The following MAP2K1 variants were observed in gnomAD, a reference collection of about 807,000 sequenced individuals.
MAP2K1 encodes mitogen-activated protein kinase kinase 1.
MAP2K1 carries 16 observed loss-of-function variants against 46.3 expected under a neutral mutation model. The observed-to-expected ratio is 0.35, with a 90% CI of 0.23 to 0.52. The LOEUF is 0.52. MAP2K1 is among the 20% of genes least tolerant of loss of function. The pLI is 0.94. For missense variants in MAP2K1, 263 were observed against 497.1 expected, an observed-to-expected ratio of 0.53 and a Z score of 4.48; for synonymous variants, 183 against 185.6, an observed-to-expected ratio of 0.99 and a Z score of 0.11.
intron 1 of MAP2K1, among the ~76,000 whole-genome samples, chr15:66,417,098 A>G (rs541451619): frequency 6.6e-6 from 1 of 152,290 alleles, no homozygotes; most frequent in East Asian, 1.9e-4. Context: ...TTGTTAGCCC[A>G]AAGACTTATT....
Position 66,485,144 on chromosome 15 carries a change from C to T in MAP2K1, c.848C>T (p.Ala283Val), listed in dbSNP as rs144080051. 4.3e-5 allele frequency: 69 copies of T among 1,613,880 alleles called. No homozygotes were observed. In the African/African-American group the frequency reaches 8.3e-4, roughly 19 times the overall value. ...LMFGCQVEGDAAETPPRPRTP... is the reference protein window; with the variant it reads ...LMFGCQVEGDVAETPPRPRTP... ...TTTGGGTGCCAGGTGGAAGGAGATGCGGCTGAGACCCCACCCAGGCCAAGG... is the reference window on the plus strand; with the variant it reads ...TTTGGGTGCCAGGTGGAAGGAGATGTGGCTGAGACCCCACCCAGGCCAAGG... The change falls in exon 7 of 11, where the codon GCG (alanine) becomes GTG (valine). Residue 283 changes from alanine to valine, a missense_variant. Transcript: ENST00000307102.
chr15:66,489,655 C>A, intron 9 of MAP2K1, 63 bp from the exon 10 acceptor site: 1 of 1,251,726 alleles, frequency 8.0e-7, no homozygotes, highest in Non-Finnish European at 1.2e-6. Flanking sequence ...GGCATGCAAA[C>A]ATGTTATTTG....
chr15:66,398,694 T>A (rs2093374029), intron 1 of MAP2K1, among the ~76,000 whole-genome samples: 7 of 147,940 alleles, frequency 4.7e-5, no homozygotes, highest in Admixed American at 4.7e-4. Flanking sequence ...GAATCCCAAT[T>A]GTGTACCGGA....
chr15:66,419,980 C>G (rs1407717999), intron 1 of MAP2K1, among the ~76,000 whole-genome samples: 1 of 143,264 alleles, frequency 7.0e-6, no homozygotes, highest in Non-Finnish European at 1.6e-5. Flanking sequence ...TGTGGTGGCT[C>G]ACACCTGTAG....
rs1893253853 is a variant in MAP2K1 at position 66,491,417 on chromosome 15, T to C, written c.*802T>C. On this transcript the variant is annotated 3_prime_UTR_variant, in exon 11 of 11. Coordinates refer to ENST00000307102, the MANE Select transcript of MAP2K1 (RefSeq NM_002755.4). ...CCATATCCAAGTACCAATGCTGTTGTAAACAACGTGTATAGTGCCTAAAAT... is the reference window on the plus strand; with the variant it reads ...CCATATCCAAGTACCAATGCTGTTGCAAACAACGTGTATAGTGCCTAAAAT... The C allele has an allele frequency of 4.3e-6, 1 of 229,910 alleles. No individual in the cohort carries two copies. The highest frequency in any genetic ancestry group is 8.6e-6 in the Non-Finnish European group (1 of 115,924). 14.2% of individuals were successfully genotyped at this position (229,910 alleles called of 1,614,324 possible). A position where few individuals can be genotyped will look rare whatever the true frequency, so the allele number is the denominator to read the frequency against.
At chr15:66,477,269 C>T (rs1892775036) in intron 5 of MAP2K1, among the ~76,000 whole-genome samples, 1 of 152,184 alleles carries the variant, frequency 6.6e-6, no homozygotes, top group Non-Finnish European at 1.5e-5. Context: ...GATACAAGGA[C>T]AGCTAGAGGC....
intron 1 of MAP2K1, among the ~76,000 whole-genome samples, chr15:66,397,704 A>G (rs952970349): frequency 6.6e-6 from 1 of 152,238 alleles, no homozygotes; most frequent in Non-Finnish European, 1.5e-5. Context: ...CTTCCTGTTT[A>G]TAGCAAATAC....
chr15:66,397,106 G>T (rs1305009782), intron 1 of MAP2K1, among the ~76,000 whole-genome samples: 1 of 138,536 alleles, frequency 7.2e-6, no homozygotes, highest in East Asian at 2.3e-4. Flanking sequence ...CTGGGTTCAC[G>T]CCATTCTCCT....
chr15:66,442,889 A>G (rs1174877683), intron 3 of MAP2K1, among the ~76,000 whole-genome samples: 1 of 152,146 alleles, frequency 6.6e-6, no homozygotes, highest in Non-Finnish European at 1.5e-5. Flanking sequence ...ACTCAGGGAA[A>G]CACTTAATTT....
intron 6 of MAP2K1, among the ~76,000 whole-genome samples, chr15:66,482,638 G>A (rs1254368018): frequency 6.6e-6 from 1 of 152,184 alleles, no homozygotes; most frequent in Non-Finnish European, 1.5e-5. Context: ...CGGTTCCTTG[G>A]GGACAGGGAC....
intron 1 of MAP2K1, among the ~76,000 whole-genome samples, chr15:66,395,341 G>C (rs980204690): frequency 6.6e-6 from 1 of 152,140 alleles, no homozygotes; most frequent in African/African-American, 2.4e-5. Flanking sequence ...AACTGGAATT[G>C]TCAAAGCAAA....
chr15:66,392,253 G>GTT (rs2093357705), intron 1 of MAP2K1, among the ~76,000 whole-genome samples: 2 of 108,948 alleles, frequency 1.8e-5, no homozygotes, highest in Admixed American at 2.5e-4. Context: ...TGTTTTTTTT[G>GTT]GGTTTTTTTT....
intron 1 of MAP2K1, among the ~76,000 whole-genome samples, chr15:66,395,094 C>T (rs1201209096): frequency 6.6e-6 from 1 of 152,168 alleles, no homozygotes; most frequent in Non-Finnish European, 1.5e-5. Flanking sequence ...CAGTAGTCCT[C>T]CCTTATCTGA....
At chr15:66,405,305 T>G (rs1410665047) in intron 1 of MAP2K1, among the ~76,000 whole-genome samples, 1 of 152,186 alleles carries the variant, frequency 6.6e-6, no homozygotes, top group Non-Finnish European at 1.5e-5. Context: ...CCAAAACTGC[T>G]AAATTTAAAT....
chr15:66,397,600 A>G (rs2093371289), intron 1 of MAP2K1, among the ~76,000 whole-genome samples: 1 of 152,176 alleles, frequency 6.6e-6, no homozygotes, highest in African/African-American at 2.4e-5. Flanking sequence ...GCAAATTGTA[A>G]ATGTTGATAA....
chr15:66,406,588 G>A (rs1473418811), intron 1 of MAP2K1, among the ~76,000 whole-genome samples: 5 of 152,094 alleles, frequency 3.3e-5, no homozygotes, highest in Non-Finnish European at 7.4e-5. Flanking sequence ...TTGAGGTTTT[G>A]GTTTCTTCTT....
chr15:66,403,515 G>A (rs998562793), intron 1 of MAP2K1, among the ~76,000 whole-genome samples: 1 of 152,046 alleles, frequency 6.6e-6, no homozygotes, highest in South Asian at 2.1e-4. Flanking sequence ...CCCTTGAAAT[G>A]GATGCCTTTC....
chr15:66,481,706 C>T (rs2140666967), intron 5 of MAP2K1, 49 bp from the exon 6 acceptor site: 2 of 1,603,452 alleles, frequency 1.2e-6, no homozygotes, highest in Non-Finnish European at 1.7e-6. Flanking sequence ...TTCTCTTCCC[C>T]AATCTACCTG....
intron 5 of MAP2K1, among the ~76,000 whole-genome samples, chr15:66,473,463 C>T (rs947355705): frequency 2.0e-5 from 3 of 151,946 alleles, no homozygotes; most frequent in Admixed American, 1.3e-4. Flanking sequence ...GTGGGAGGAT[C>T]GCTTGAGCCT....
Sources: allele counts gnomAD v4.1 joint callset (sites outside exome capture counted in the v4.1 genomes callset), GRCh38; gene constraint gnomAD v4.1.1; transcripts MANE v1.5; gene names NCBI Gene and HGNC (gene_info 2026-07-23, HGNC 2026-07-21).